ANXA8: variants seen among roughly 807,000 people sequenced by gnomAD.
ANXA8 encodes VAC-beta.
ANXA8 carries 9 observed loss-of-function variants against 26.8 expected under a neutral mutation model. The ratio of observed to expected loss-of-function variants is 0.34; its 90% CI spans 0.20 to 0.59. The LOEUF (loss-of-function observed/expected upper bound fraction) is 0.59. ANXA8 is among the 20% of genes least tolerant of loss of function. ANXA8 has a pLI of 0.84. For synonymous variants in ANXA8, 39 were observed against 94.8 expected (o/e 0.41, Z 3.42); for missense variants, 83 against 238.5 (o/e 0.35, Z 4.29).
chr10:47,587,477 C>A, the ANXA8 span, among the ~76,000 whole-genome samples: 2 of 146,226 alleles, frequency 1.4e-5, no homozygotes, highest in Non-Finnish European at 2.9e-5. Context: ...AACTCATACT[C>A]CAGGCCCTTT....
chr10:47,638,985 A>G, the ANXA8 span, among the ~76,000 whole-genome samples: 1 of 150,014 alleles, frequency 6.7e-6, no homozygotes. Context: ...GAAATTTCAA[A>G]TAATGTGACT....
the ANXA8 span, among the ~76,000 whole-genome samples, chr10:47,603,268 A>G: frequency 6.7e-6 from 1 of 149,028 alleles, no homozygotes; most frequent in East Asian, 1.9e-4. Flanking sequence ...AAGAGATTCT[A>G]AATTATTATA....
intron 11 of ANXA8, among the ~76,000 whole-genome samples, chr10:47,469,188 T>C (rs1384108037): frequency 6.8e-6 from 1 of 148,130 alleles, no homozygotes; most frequent in Non-Finnish European, 1.5e-5. Flanking sequence ...AGGGGTCAGC[T>C]GTCCCAGGGT....
At chr10:47,937,677 C>G in the ANXA8 span, among the ~76,000 whole-genome samples, 1 of 143,174 alleles carries the variant, frequency 7.0e-6, no homozygotes. Context: ...CCCATGGGCT[C>G]TCATCATTTA....
At chr10:47,949,657 G>A in the ANXA8 span, among the ~76,000 whole-genome samples, 1 of 150,638 alleles carries the variant, frequency 6.6e-6, no homozygotes, top group South Asian at 2.1e-4. Context: ...ATGGTTGTAA[G>A]GTCTTACATT....
chr10:47,706,646 T>C, the ANXA8 span: 2 of 959,364 alleles, frequency 2.1e-6, no homozygotes, highest in Non-Finnish European at 3.2e-6. Context: ...TTTTGGAATC[T>C]TCTGCTAAAG....
the ANXA8 span, chr10:47,565,989 C>T: frequency 4.1e-5 from 59 of 1,442,472 alleles, 1 homozygote; most frequent in East Asian, 1.3e-3. Flanking sequence ...GGGAGCTTCT[C>T]GGGCAGCGTG....
At chr10:47,733,206 TTTCTTTC>T in the ANXA8 span, among the ~76,000 whole-genome samples, 576 of 90,352 alleles carry the variant, frequency 6.4e-3, no homozygotes, top group East Asian at 0.021. Flanking sequence ...TCTTTCTTTC[TTTCTTTC>T]TTTCTTTCTC....
Position 47,484,066 on chromosome 10 carries a change from C to G in ANXA8, c.-133G>C. On this transcript the variant is annotated 5_prime_UTR_variant, in exon 1 of 12. Coordinates refer to ENST00000585281, the MANE Select transcript of ANXA8 (RefSeq NM_001040084.3). The stretch of plus-strand genomic sequence containing the variant: ...TCACTTGGGTGTGGGGGTGCAAGCC[C>G]GCCCAGGGCAGCGCCACACCTGCCT... The G allele has an allele frequency of 6.2e-7, 1 of 1,607,888 alleles. No individual in the cohort carries two copies. The highest frequency in any genetic ancestry group is 8.5e-7 in the Non-Finnish European group (1 of 1,176,812).
At chr10:47,947,642 G>C in the ANXA8 span, among the ~76,000 whole-genome samples, 1 of 150,764 alleles carries the variant, frequency 6.6e-6, no homozygotes, top group Non-Finnish European at 1.5e-5. Context: ...CTCCTGCTCC[G>C]CCATGTGAAG....
the ANXA8 span, among the ~76,000 whole-genome samples, chr10:47,645,854 G>A: frequency 6.7e-6 from 1 of 149,576 alleles, no homozygotes; most frequent in African/African-American, 2.6e-5. Context: ...GTCTTCTTGA[G>A]CTGGGACATC....
the ANXA8 span, among the ~76,000 whole-genome samples, chr10:47,918,381 G>GAA: frequency 2.2e-3 from 38 of 17,600 alleles, no homozygotes; most frequent in African/African-American, 7.3e-3. Flanking sequence ...GAGAGAGAGA[G>GAA]AGAGAAAGAA....
the ANXA8 span, among the ~76,000 whole-genome samples, chr10:47,536,744 C>T: frequency 8.0e-6 from 1 of 125,128 alleles, no homozygotes; most frequent in South Asian, 2.4e-4. Context: ...TCACTTGAGC[C>T]CAGGAGTTTA....
the ANXA8 span, chr10:47,763,218 C>T: frequency 1.0e-6 from 1 of 987,582 alleles, no homozygotes; most frequent in Non-Finnish European, 1.2e-6. Flanking sequence ...GCGCTGCCTG[C>T]CTGATGGCCT....
chr10:47,563,881 G>T, the ANXA8 span, among the ~76,000 whole-genome samples: 2 of 151,480 alleles, frequency 1.3e-5, no homozygotes, highest in African/African-American at 4.9e-5. Context: ...ATTTTTTTAC[G>T]GGAGGGAGCT....
chr10:47,953,391 G>A, the ANXA8 span, among the ~76,000 whole-genome samples: 1 of 150,718 alleles, frequency 6.6e-6, no homozygotes, highest in Non-Finnish European at 1.5e-5. Context: ...ACACCATGAG[G>A]ATGCCTGAAC....
the ANXA8 span, among the ~76,000 whole-genome samples, chr10:47,585,413 A>T: frequency 2.9e-5 from 4 of 139,520 alleles, no homozygotes; most frequent in East Asian, 5.9e-4. Context: ...ATGATTCTGA[A>T]TAAAGATCAG....
chr10:47,779,089 T>G, the ANXA8 span, among the ~76,000 whole-genome samples: 4 of 140,314 alleles, frequency 2.9e-5, no homozygotes, highest in Admixed American at 2.9e-4. Flanking sequence ...CAAGCAATAG[T>G]TTTTTTTTTT....
the ANXA8 span, among the ~76,000 whole-genome samples, chr10:47,634,272 T>TA: frequency 1.7e-5 from 1 of 60,174 alleles, no homozygotes; most frequent in Admixed American, 1.9e-4. Context: ...ATCTAAGTGG[T>TA]AAAAAACTCC....
Sources: gnomAD v4.1 joint callset for allele counts (sites outside exome capture counted in the v4.1 genomes callset) on GRCh38, gnomAD v4.1.1 for gene constraint, MANE v1.5 for transcripts, NCBI Gene and HGNC (gene_info 2026-07-23, HGNC 2026-07-21) for gene names.